PDS5A: variants seen among roughly 807,000 people sequenced by gnomAD.
PDS5A encodes sister chromatid cohesion protein PDS5 homolog A.
A neutral mutation model predicts 167.1 loss-of-function variants in PDS5A; 42 were observed. That is an observed-to-expected ratio of 0.25 (90% CI 0.20 to 0.33). PDS5A has a LOEUF of 0.33. Among genes scored for constraint, PDS5A ranks in the 10% least tolerant of loss-of-function variants. PDS5A has a pLI of 1.00. For missense variants in PDS5A, 1,033 were observed against 1,605.9 expected (o/e 0.64, Z 6.10); for synonymous variants, 553 against 554.6 (o/e 1.00, Z 0.04).
At chr4:39,859,935 A>G (rs549469592) in intron 26 of PDS5A, among the ~76,000 whole-genome samples, 1 of 152,328 alleles carries the variant, frequency 6.6e-6, no homozygotes, top group East Asian at 1.9e-4. Flanking sequence ...TATGGAAAAC[A>G]GTATGATGGT....
chr4:39,968,465 T>A (rs544334213), intron 2 of PDS5A, among the ~76,000 whole-genome samples: 1 of 150,586 alleles, frequency 6.6e-6, no homozygotes, highest in East Asian at 2.0e-4. Flanking sequence ...AGAGTTTCAC[T>A]GTTGTTGCCC....
intron 8 of PDS5A, among the ~76,000 whole-genome samples, chr4:39,914,400 C>A (rs1724169702): frequency 1.3e-5 from 2 of 151,774 alleles, no homozygotes; most frequent in Admixed American, 1.3e-4. Context: ...GATCTCGTGA[C>A]CCAACCACCT....
At chr4:39,943,367 C>T (rs779648697) in intron 2 of PDS5A, among the ~76,000 whole-genome samples, 8 of 152,036 alleles carry the variant, frequency 5.3e-5, no homozygotes, top group Non-Finnish European at 1.0e-4. Context: ...TATATTTAGT[C>T]AAGGTTAGCA....
chr4:39,864,535 T>C (rs1470091135), intron 23 of PDS5A, among the ~76,000 whole-genome samples: 3 of 152,226 alleles, frequency 2.0e-5, no homozygotes, highest in Non-Finnish European at 4.4e-5. Flanking sequence ...GAACATAGCA[T>C]GGCTTTTGTA....
intron 2 of PDS5A, among the ~76,000 whole-genome samples, chr4:39,957,304 G>A (rs1021983151): frequency 2.0e-5 from 3 of 152,068 alleles, no homozygotes; most frequent in South Asian, 4.1e-4. Flanking sequence ...GGGACAAGGC[G>A]AGACTCCATC....
chr4:39,895,194 C>A (rs555735873), intron 16 of PDS5A, among the ~76,000 whole-genome samples: 1 of 109,074 alleles, frequency 9.2e-6, no homozygotes, highest in African/African-American at 3.4e-5. Flanking sequence ...AGTGAGACTC[C>A]GTCTCAAAAA....
intron 2 of PDS5A, among the ~76,000 whole-genome samples, chr4:39,948,074 AGACCCC>A (rs1308803256): frequency 5.9e-5 from 9 of 152,034 alleles, no homozygotes; most frequent in Admixed American, 2.0e-4. Context: ...AACAACTGCA[AGACCCC>A]ATTTCTACTA....
At chr4:39,971,436 G>A (rs1393318442) in intron 2 of PDS5A, among the ~76,000 whole-genome samples, 3 of 151,544 alleles carry the variant, frequency 2.0e-5, no homozygotes, top group Admixed American at 6.6e-5. Context: ...GATTACAGGC[G>A]TGAGCCACCG....
intron 8 of PDS5A, among the ~76,000 whole-genome samples, chr4:39,915,345 T>A (rs1724271238): frequency 1.7e-5 from 1 of 60,288 alleles, no homozygotes; most frequent in South Asian, 4.5e-4. Context: ...CCGGCCTGAT[T>A]TTTTTTTTTT....
intron 16 of PDS5A, among the ~76,000 whole-genome samples, chr4:39,891,195 G>A (rs1009176146): frequency 6.0e-5 from 9 of 151,036 alleles, no homozygotes; most frequent in South Asian, 2.1e-4. Context: ...CACCATGCCC[G>A]GCTAATTTTA....
At chr4:39,904,781 A>C (rs62307943) in intron 11 of PDS5A, among the ~76,000 whole-genome samples, 33,563 of 152,172 alleles carry the variant, frequency 0.22, 4,685 homozygotes, top group Middle Eastern at 0.33. Flanking sequence ...CTCCTGCCTT[A>C]GCATCCTGAG....
chr4:39,954,009 A>G (rs1056317058), intron 2 of PDS5A, among the ~76,000 whole-genome samples: 3 of 152,054 alleles, frequency 2.0e-5, no homozygotes, highest in Non-Finnish European at 2.9e-5. Flanking sequence ...ACAAAACCCA[A>G]TAGGCCCCAA....
At chr4:39,845,208 G>GA (rs61433015) in intron 29 of PDS5A, among the ~76,000 whole-genome samples, 3 of 150,012 alleles carry the variant, frequency 2.0e-5, no homozygotes, top group African/African-American at 4.9e-5. Context: ...ACTGTCTCAA[G>GA]AAAAAAAAAG....
chr4:39,959,679 G>A (rs1019933574), intron 2 of PDS5A, among the ~76,000 whole-genome samples: 4 of 152,164 alleles, frequency 2.6e-5, no homozygotes, highest in African/African-American at 9.7e-5. Context: ...GTAAGGCCAG[G>A]CATGGTGGTT....
chr4:39,873,001 C>T lies in PDS5A; in HGVS notation c.2421G>A (p.Leu807=). ...SVVANFIVKD[L]LMNDRSTGEK... is the part of the protein sequence containing the mutation. ...AGAAACTTACCCTGTCATTCATTAG[C>T]AGATCTTTCACAATAAAATTTGCTA... The change falls in exon 21 of 33, where the codon CTG becomes CTA. Residue 807 remains leucine (L), a synonymous_variant. Transcript: ENST00000303538. 1 of 1,510,746 alleles carries T rather than the reference C, an allele frequency of 6.6e-7. No individual in the cohort carries two copies. The highest frequency in any genetic ancestry group is 9.0e-7 in the Non-Finnish European group (1 of 1,111,932). 93.6% of individuals were successfully genotyped at this position (1,510,746 alleles called of 1,614,324 possible). A position where few individuals can be genotyped will look rare whatever the true frequency, so the allele number is the denominator to read the frequency against.
At chr4:39,837,552 C>A in intron 32 of PDS5A, 1 of 276,352 alleles carries the variant, frequency 3.6e-6, no homozygotes, top group Non-Finnish European at 6.7e-6. Flanking sequence ...TTTATGTAAA[C>A]CTCTGCAACC....
intron 6 of PDS5A, among the ~76,000 whole-genome samples, chr4:39,921,058 G>C (rs148120575): frequency 6.6e-6 from 1 of 152,222 alleles, no homozygotes; most frequent in Non-Finnish European, 1.5e-5. Flanking sequence ...GGATCAAACA[G>C]ATTCATTCAC....
intron 2 of PDS5A, among the ~76,000 whole-genome samples, chr4:39,963,495 T>A (rs1008921211): frequency 3.3e-5 from 5 of 151,474 alleles, no homozygotes; most frequent in African/African-American, 9.7e-5. Context: ...TGGCCTGTAA[T>A]CCTAGCCACT....
chr4:39,977,243 C>G lies in PDS5A; in HGVS notation c.-41+214G>C, dbSNP rs1731203708. ...CGCCAGGAAGCGGCTGACGCGCCTC[C>G]GCACTTCACATTTTGTTCCTTCAAC... On this transcript the variant is annotated intron_variant, in intron 1 of 32. Coordinates refer to ENST00000303538, the MANE Select transcript of PDS5A (RefSeq NM_001100399.2). The surrounding 1 kb of genome is among the most constrained non-coding windows in gnomAD (Gnocchi z 4.2). 6.6e-6 allele frequency among the ~76,000 whole-genome samples: 1 copy of G among 152,124 alleles called. No individual in the cohort carries two copies. Among genetic ancestry groups the G allele is most frequent in the Non-Finnish European group, 1.5e-5 (1 of 68,012 alleles).
Sources: allele counts gnomAD v4.1 joint callset (sites outside exome capture counted in the v4.1 genomes callset), GRCh38; gene constraint gnomAD v4.1.1; non-coding constraint Gnocchi (gnomAD v3.1); transcripts MANE v1.5; gene names NCBI Gene and HGNC (gene_info 2026-07-23, HGNC 2026-07-21).